CHLSN: variants seen among roughly 807,000 people sequenced by gnomAD.
The protein encoded by CHLSN is protein cholesin.
At chr7:1,125,531 T>TG in the CHLSN span, among the ~76,000 whole-genome samples, 1 of 152,264 alleles carries the variant, frequency 6.6e-6, no homozygotes, top group African/African-American at 2.4e-5. Flanking sequence ...TGTCACTTAC[T>TG]GATAGAGCTT....
At chr7:1,105,298 C>G in the CHLSN span, among the ~76,000 whole-genome samples, 2 of 152,204 alleles carry the variant, frequency 1.3e-5, no homozygotes, top group East Asian at 3.8e-4. Flanking sequence ...GCCCCAGAAA[C>G]AGCTTCAGTC....
the CHLSN span, among the ~76,000 whole-genome samples, chr7:1,006,216 G>A: frequency 1.3e-5 from 2 of 152,194 alleles, no homozygotes; most frequent in Admixed American, 6.5e-5. Context: ...AGAGCAACAC[G>A]GCTCTGAGCT....
the CHLSN span, among the ~76,000 whole-genome samples, chr7:1,109,633 C>T: frequency 2.0e-5 from 3 of 152,122 alleles, no homozygotes; most frequent in Non-Finnish European, 4.4e-5. Context: ...CTCACCTCTG[C>T]GTGGGCGACG....
the CHLSN span, chr7:1,055,252 A>G: frequency 2.1e-6 from 1 of 471,186 alleles, no homozygotes; most frequent in Non-Finnish European, 4.4e-6. Context: ...CAAGGGAGGC[A>G]GAGGCCCTGC....
chr7:1,078,188 C>G, the CHLSN span, among the ~76,000 whole-genome samples: 1 of 152,156 alleles, frequency 6.6e-6, no homozygotes. Context: ...GCTCAGCTGC[C>G]AGATATGCAG....
At chr7:1,000,479 G>C in the CHLSN span, 1 of 1,604,726 alleles carries the variant, frequency 6.2e-7, no homozygotes, top group Non-Finnish European at 8.5e-7. Flanking sequence ...CCTTGTCACT[G>C]TCATACATGT....
the CHLSN span, chr7:1,058,156 G>A: frequency 6.8e-6 from 5 of 739,026 alleles, no homozygotes; most frequent in African/African-American, 1.7e-5. Flanking sequence ...TCCCGCGTCC[G>A]CAGGGAGGAC....
the CHLSN span, among the ~76,000 whole-genome samples, chr7:1,095,329 C>G: frequency 7.0e-6 from 1 of 143,520 alleles, no homozygotes; most frequent in East Asian, 2.2e-4. Context: ...AGGACAGTCA[C>G]GCAGCAGCCC....
At chr7:1,085,669 C>CA in the CHLSN span, among the ~76,000 whole-genome samples, 6 of 131,874 alleles carry the variant, frequency 4.5e-5, no homozygotes, top group Non-Finnish European at 7.9e-5. Context: ...CTTATCTCTA[C>CA]AAAAAAATTA....
the CHLSN span, among the ~76,000 whole-genome samples, chr7:1,135,354 G>A: frequency 1.3e-5 from 2 of 151,466 alleles, no homozygotes; most frequent in African/African-American, 4.9e-5. Context: ...TATACATATA[G>A]TTATATATAT....
chr7:1,062,383 T>C, the CHLSN span, among the ~76,000 whole-genome samples: 1 of 152,198 alleles, frequency 6.6e-6, no homozygotes, highest in Non-Finnish European at 1.5e-5. Context: ...CCTCGAATTG[T>C]ACGTCTTAAT....
At chr7:1,072,676 C>CTTTTTT in the CHLSN span, among the ~76,000 whole-genome samples, 13 of 110,292 alleles carry the variant, frequency 1.2e-4, no homozygotes, top group South Asian at 2.8e-4. Context: ...CTTTTCTTTC[C>CTTTTTT]TTTTTTTTTT....
the CHLSN span, among the ~76,000 whole-genome samples, chr7:1,077,406 C>T: frequency 3.3e-5 from 5 of 152,346 alleles, no homozygotes; most frequent in East Asian, 3.9e-4. Flanking sequence ...CCGCCCGCCT[C>T]GGCCTCCCAG....
the CHLSN span, chr7:1,093,874 C>A: frequency 2.9e-6 from 1 of 341,432 alleles, no homozygotes; most frequent in East Asian, 7.6e-5. Flanking sequence ...GGGCATGGGG[C>A]ACTCGGGAGA....
the CHLSN span, among the ~76,000 whole-genome samples, chr7:1,118,287 C>T: frequency 6.6e-6 from 1 of 152,306 alleles, no homozygotes; most frequent in East Asian, 1.9e-4. Context: ...GGCATGAACA[C>T]GAAGTGGAGA....
At chr7:1,112,664 G>A in the CHLSN span, among the ~76,000 whole-genome samples, 2 of 151,468 alleles carry the variant, frequency 1.3e-5, no homozygotes, top group Admixed American at 1.3e-4. Context: ...GACATTAATC[G>A]GCTGTCCTCT....
At chr7:1,090,573 G>A in the CHLSN span, among the ~76,000 whole-genome samples, 1 of 149,000 alleles carries the variant, frequency 6.7e-6, no homozygotes, top group East Asian at 1.9e-4. Context: ...GGTGACACGG[G>A]GCGGGTGACG....
chr7:999,970 A>G, the CHLSN span, among the ~76,000 whole-genome samples: 5 of 152,372 alleles, frequency 3.3e-5, no homozygotes, highest in South Asian at 8.3e-4. Context: ...GTACATGTGT[A>G]GACACACATC....
At chr7:1,000,563 A>C in the CHLSN span, 17 of 1,597,876 alleles carry the variant, frequency 1.1e-5, no homozygotes, top group South Asian at 1.1e-5. Context: ...TAGGGAAAGA[A>C]AGACAAACAT....
Sources: gnomAD v4.1 joint callset for allele counts (sites outside exome capture counted in the v4.1 genomes callset) on GRCh38, gnomAD v4.1.1 for gene constraint, MANE v1.5 for transcripts, NCBI Gene and HGNC (gene_info 2026-07-23, HGNC 2026-07-21) for gene names.